Variants in NRXN1 observed in about 807,000 individuals in gnomAD.
NRXN1 encodes neurexin-1.
NRXN1 carries 39 observed loss-of-function variants against 150.9 expected under a neutral mutation model. The observed-to-expected ratio is 0.26, with a 90% CI of 0.20 to 0.34. The LOEUF (loss-of-function observed/expected upper bound fraction) is 0.34. Among genes scored for constraint, NRXN1 ranks in the 10% least tolerant of loss-of-function variants. NRXN1 has a pLI of 1.00. For synonymous variants in NRXN1, 924 were observed against 757.0 expected, an observed-to-expected ratio of 1.22 and a Z score of -3.62; for missense variants, 1,815 against 1,949.9, an observed-to-expected ratio of 0.93 and a Z score of 1.30.
chr2:50,628,366 C>T (rs990551257), intron 5 of NRXN1, among the ~76,000 whole-genome samples: 2 of 151,540 alleles, frequency 1.3e-5, no homozygotes, highest in African/African-American at 4.8e-5. Flanking sequence ...TTAAAGGCAA[C>T]CACATAGTTT....
At chr2:50,548,675 AT>A (rs1573498578) in intron 9 of NRXN1, among the ~76,000 whole-genome samples, 3 of 152,060 alleles carry the variant, frequency 2.0e-5, no homozygotes, top group East Asian at 1.9e-4. Context: ...GGATAAAAAA[AT>A]AAATACAATT....
chr2:50,118,401 T>G (rs555777577), intron 18 of NRXN1, among the ~76,000 whole-genome samples: 10 of 152,210 alleles, frequency 6.6e-5, no homozygotes, highest in African/African-American at 2.4e-4. Context: ...TTTAAATAAT[T>G]TGAATGTAAA....
At chr2:50,044,151 G>T (rs1356137721) in intron 21 of NRXN1, among the ~76,000 whole-genome samples, 1 of 152,150 alleles carries the variant, frequency 6.6e-6, no homozygotes, top group African/African-American at 2.4e-5. Context: ...AGTTCTCATT[G>T]TTATTGCTTC....
At chr2:50,442,823 A>T (rs1017941168) in intron 17 of NRXN1, among the ~76,000 whole-genome samples, 1 of 152,174 alleles carries the variant, frequency 6.6e-6, no homozygotes, top group African/African-American at 2.4e-5. Flanking sequence ...CCTTGGAAGA[A>T]GTCACAGAGG....
At chr2:50,633,142 G>A (rs1428655154) in intron 5 of NRXN1, 1 of 152,068 alleles carries the variant, frequency 6.6e-6, no homozygotes, top group East Asian at 1.9e-4. Flanking sequence ...ATACACTGCT[G>A]CAACTGAAAA....
intron 5 of NRXN1, among the ~76,000 whole-genome samples, chr2:50,705,756 C>T (rs1401426003): frequency 6.6e-6 from 1 of 152,130 alleles, no homozygotes; most frequent in Non-Finnish European, 1.5e-5. Flanking sequence ...GCTGTTGCTG[C>T]CCCCAGAGAC....
rs545028161 is a variant in NRXN1, at chr2:50,565,067, C to A, written c.1321-12042G>T. Among the ~76,000 whole-genome samples the A allele has an allele frequency of 4.8e-3, 728 of 152,162 alleles. 1 individual carries two copies. The highest frequency in any genetic ancestry group is 6.1e-3 in the Non-Finnish European group (418 of 67,996). ...CAAAAATTCAGTAAAATAAAAAATG[C>A]AAAGCCCAAATTCTCACACAACCCA... On this transcript the variant is annotated intron_variant, in intron 8 of 22. Coordinates refer to ENST00000401669, the MANE Select transcript of NRXN1 (RefSeq NM_001330078.2).
At chr2:50,208,488 T>G (rs1334955818) in intron 18 of NRXN1, among the ~76,000 whole-genome samples, 4 of 152,104 alleles carry the variant, frequency 2.6e-5, no homozygotes, top group African/African-American at 4.8e-5. Context: ...CCTTTCCAGT[T>G]TTGAAAAGGG....
At chr2:50,976,194 C>CTTTTT (rs576892115) in intron 2 of NRXN1, among the ~76,000 whole-genome samples, 2 of 139,770 alleles carry the variant, frequency 1.4e-5, no homozygotes, top group African/African-American at 2.6e-5. Context: ...TTATGTTATT[C>CTTTTT]TTTTTTTTTT....
intron 17 of NRXN1, among the ~76,000 whole-genome samples, chr2:50,392,041 T>C (rs79097060): frequency 6.6e-6 from 1 of 152,288 alleles, no homozygotes; most frequent in African/African-American, 2.4e-5. Flanking sequence ...TTTATCAAAG[T>C]TGCCATCTAT....
intron 5 of NRXN1, among the ~76,000 whole-genome samples, chr2:50,826,135 G>C (rs1172349301): frequency 6.6e-6 from 1 of 152,164 alleles, no homozygotes; most frequent in African/African-American, 2.4e-5. Flanking sequence ...GTGGTTGAGA[G>C]GGACTGGGGG....
In NRXN1 at chr2:50,347,312, G is replaced by T; in HGVS notation, c.3365-110342C>A. ...CGGGCGAGAGTGCGTGCCGGCGGGTGGGGGGCCGAGAAATTGTTTAAAGCT... is the reference window on the plus strand; with the variant it reads ...CGGGCGAGAGTGCGTGCCGGCGGGTTGGGGGCCGAGAAATTGTTTAAAGCT... On this transcript the variant is annotated intron_variant, in intron 17 of 22. Coordinates refer to ENST00000401669, the MANE Select transcript of NRXN1 (RefSeq NM_001330078.2). This position sits in a 1 kb window ranked among gnomAD's most constrained non-coding sequence, Gnocchi z 4.9. 1.6e-6 allele frequency: 2 copies of T among 1,260,282 alleles called. No homozygotes were observed. The highest frequency in any genetic ancestry group is 2.0e-6 in the Non-Finnish European group (2 of 976,500). 78.1% of individuals were successfully genotyped at this position (1,260,282 alleles called of 1,614,324 possible). A position where few individuals can be genotyped will look rare whatever the true frequency, so the allele number is the denominator to read the frequency against.
At chr2:50,935,086 C>A (rs2104428503) in intron 2 of NRXN1, among the ~76,000 whole-genome samples, 1 of 152,174 alleles carries the variant, frequency 6.6e-6, no homozygotes, top group East Asian at 1.9e-4. Flanking sequence ...GACCATTTTT[C>A]AATGTAAGAG....
At chr2:50,676,574 A>C (rs1280962244) in intron 5 of NRXN1, among the ~76,000 whole-genome samples, 1 of 152,152 alleles carries the variant, frequency 6.6e-6, no homozygotes. Context: ...GTTGTTATGA[A>C]AATATAAAAC....
intron 18 of NRXN1, among the ~76,000 whole-genome samples, chr2:50,172,699 G>T (rs1258559125): frequency 6.6e-6 from 1 of 152,032 alleles, no homozygotes; most frequent in Non-Finnish European, 1.5e-5. Flanking sequence ...CAGCCACAGA[G>T]GCTGACGCCT....
chr2:50,210,145 T>G (rs2062910793), intron 18 of NRXN1, among the ~76,000 whole-genome samples: 1 of 151,952 alleles, frequency 6.6e-6, no homozygotes, highest in Non-Finnish European at 1.5e-5. Flanking sequence ...AATCACAAAT[T>G]CGTGCATAAA....
intron 17 of NRXN1, among the ~76,000 whole-genome samples, chr2:50,289,019 C>T (rs1205510869): frequency 6.6e-6 from 1 of 151,970 alleles, no homozygotes; most frequent in African/African-American, 2.4e-5. Flanking sequence ...TAGGGCAATT[C>T]CCGGGTTTCT....
At chr2:49,965,130 T>C (rs955500124) in intron 21 of NRXN1, among the ~76,000 whole-genome samples, 2 of 152,028 alleles carry the variant, frequency 1.3e-5, no homozygotes, top group African/African-American at 4.8e-5. Flanking sequence ...TCCACCTGCC[T>C]TGGCCTCCCA....
intron 17 of NRXN1, among the ~76,000 whole-genome samples, chr2:50,239,639 C>T (rs1266421148): frequency 1.7e-5 from 2 of 117,556 alleles, no homozygotes; most frequent in Non-Finnish European, 3.4e-5. Flanking sequence ...TGGTATAAAA[C>T]CCATATCCTG....
Sources: allele counts gnomAD v4.1 joint callset (sites outside exome capture counted in the v4.1 genomes callset), GRCh38; gene constraint gnomAD v4.1.1; non-coding constraint Gnocchi (gnomAD v3.1); transcripts MANE v1.5; gene names NCBI Gene and HGNC (gene_info 2026-07-23, HGNC 2026-07-21).